The following ZNF644 variants were observed in gnomAD, a reference collection of about 807,000 sequenced individuals.
The protein encoded by ZNF644 is zinc finger protein 644.
In ZNF644, 20 loss-of-function variants were observed where a neutral mutation model predicts 108.0. That is an observed-to-expected ratio of 0.19 (90% CI 0.13 to 0.27). ZNF644 has a LOEUF of 0.27. ZNF644 is among the 10% of genes least tolerant of loss of function. ZNF644 has a pLI of 1.00. For synonymous variants in ZNF644, 542 were observed against 539.1 expected, an observed-to-expected ratio of 1.01 and a Z score of -0.08; for missense variants, 1,338 against 1,548.9, an observed-to-expected ratio of 0.86 and a Z score of 2.29.
At chr1:90,937,373 C>T in intron 4 of ZNF644, 112 bp downstream of exon 4, 1 of 1,422,660 alleles carries the variant, frequency 7.0e-7, no homozygotes, top group Non-Finnish European at 9.7e-7. Context: ...AAAAAAAAAG[C>T]AGCTTAAACA....
rs764261778 is a variant in ZNF644 at position 90,939,542 on chromosome 1, G to A, written c.1812C>T (p.His604=). 1 of 1,613,990 alleles carries A rather than the reference G, an allele frequency of 6.2e-7. No homozygotes were observed. Among genetic ancestry groups the A allele is most frequent in the Non-Finnish European group, 8.5e-7 (1 of 1,179,918 alleles). Residue 604 remains histidine (H), a synonymous_variant, in exon 3 of 6, where the codon CAC becomes CAT. Transcript: ENST00000337393. ...TTSAKSVLKK[H]TEYLHSSSCV... Reference sequence around the variant, plus strand: ...ATGATGATGAATGCAAGTACTCCGTGTGCTTTTTTAAAACACTTTTGGCTG... The same window carrying A: ...ATGATGATGAATGCAAGTACTCCGTATGCTTTTTTAAAACACTTTTGGCTG...
At chr1:90,977,876 T>C (rs1656163637) in intron 2 of ZNF644, among the ~76,000 whole-genome samples, 1 of 152,070 alleles carries the variant, frequency 6.6e-6, no homozygotes. Context: ...TATGGAAAAA[T>C]GTCCAAAATA....
At chr1:91,006,412 AAAAC>A (rs906715019) in intron 1 of ZNF644, among the ~76,000 whole-genome samples, 10 of 152,144 alleles carry the variant, frequency 6.6e-5, no homozygotes, top group African/African-American at 9.7e-5. Context: ...CTGTCTCATA[AAAAC>A]AAACAAACAA....
intron 4 of ZNF644, among the ~76,000 whole-genome samples, chr1:90,934,840 A>C (rs1651145381): frequency 6.6e-6 from 1 of 152,168 alleles, no homozygotes; most frequent in African/African-American, 2.4e-5. Context: ...TTAGTTTCCT[A>C]ATCAAGTCTA....
chr1:91,015,906 T>C (rs984544807), intron 1 of ZNF644, among the ~76,000 whole-genome samples: 1 of 152,218 alleles, frequency 6.6e-6, no homozygotes, highest in African/African-American at 2.4e-5. Flanking sequence ...CTCAGCATTG[T>C]ATGCCAGAAA....
At chr1:91,000,989 A>T (rs530701873) in intron 1 of ZNF644, among the ~76,000 whole-genome samples, 18 of 152,372 alleles carry the variant, frequency 1.2e-4, no homozygotes, top group Admixed American at 7.8e-4. Flanking sequence ...AACCAGGAAG[A>T]AGGTGAATCC....
intron 2 of ZNF644, among the ~76,000 whole-genome samples, chr1:90,948,454 C>A (rs150274297): frequency 1.3e-5 from 2 of 152,272 alleles, no homozygotes; most frequent in African/African-American, 2.4e-5. Context: ...ATTGTTAATG[C>A]GGATGAAACT....
chr1:91,001,083 C>T (rs554282548), intron 1 of ZNF644, among the ~76,000 whole-genome samples: 1 of 152,302 alleles, frequency 6.6e-6, no homozygotes, highest in Non-Finnish European at 1.5e-5. Context: ...CAGATGGGTT[C>T]ACAGCCAAAT....
At chr1:90,998,519 G>C (rs969011767) in intron 1 of ZNF644, among the ~76,000 whole-genome samples, 1 of 152,158 alleles carries the variant, frequency 6.6e-6, no homozygotes, top group African/African-American at 2.4e-5. Context: ...CAAACAGAAA[G>C]GACATCCACG....
chr1:90,950,883 T>G (rs77975548), intron 2 of ZNF644, among the ~76,000 whole-genome samples: 3,033 of 152,272 alleles, frequency 0.02, 82 homozygotes, highest in African/African-American at 0.069. Context: ...GATCTGGATG[T>G]TATATTTGCA....
intron 2 of ZNF644, among the ~76,000 whole-genome samples, chr1:90,961,319 CTTAAT>C (rs780481823): frequency 1.3e-5 from 2 of 152,126 alleles, no homozygotes; most frequent in African/African-American, 4.8e-5. Flanking sequence ...ATCTAATTTA[CTTAAT>C]TTATTAACAG....
chr1:90,964,105 A>G (rs1308969237), intron 2 of ZNF644, among the ~76,000 whole-genome samples: 2 of 152,168 alleles, frequency 1.3e-5, no homozygotes, highest in Non-Finnish European at 2.9e-5. Flanking sequence ...ATCTAATTAA[A>G]TGAAACAAAT....
At chr1:90,953,380 G>A (rs558786933) in intron 2 of ZNF644, among the ~76,000 whole-genome samples, 4 of 151,466 alleles carry the variant, frequency 2.6e-5, no homozygotes, top group Non-Finnish European at 5.9e-5. Context: ...TGGGGCCTAT[G>A]GGGTAGGGGG....
chr1:90,980,287 G>C (rs1305728008), intron 2 of ZNF644, among the ~76,000 whole-genome samples: 1 of 152,130 alleles, frequency 6.6e-6, no homozygotes, highest in East Asian at 1.9e-4. Context: ...CTGACAACTA[G>C]CAAAGAGGTC....
intron 1 of ZNF644, among the ~76,000 whole-genome samples, chr1:90,984,555 TTTTTTA>T (rs1238054750): frequency 5.3e-5 from 8 of 152,072 alleles, no homozygotes; most frequent in Non-Finnish European, 1.2e-4. Context: ...GCCTGGCTAA[TTTTTTA>T]TTTTTATTTT....
At chr1:91,019,000 T>G (rs1380677175) in intron 1 of ZNF644, among the ~76,000 whole-genome samples, 1 of 152,220 alleles carries the variant, frequency 6.6e-6, no homozygotes. Flanking sequence ...CACATAATGT[T>G]GAAAATTATA....
At chr1:90,958,448 G>A (rs946924343) in intron 2 of ZNF644, among the ~76,000 whole-genome samples, 3 of 151,596 alleles carry the variant, frequency 2.0e-5, no homozygotes, top group African/African-American at 2.4e-5. Flanking sequence ...AATTCTAAAG[G>A]CCTTTTTGCA....
chr1:90,990,699 G>GA (rs1352007708), intron 1 of ZNF644, among the ~76,000 whole-genome samples: 1 of 152,174 alleles, frequency 6.6e-6, no homozygotes. Flanking sequence ...ACTCTGTGTG[G>GA]AAACTATCCA....
chr1:90,950,175 G>A (rs539165639), intron 2 of ZNF644, among the ~76,000 whole-genome samples: 301 of 149,524 alleles, frequency 2.0e-3, no homozygotes, highest in African/African-American at 7.0e-3. Context: ...CTACTCAGGA[G>A]GCTGAGGCAG....
Sources: allele counts gnomAD v4.1 joint callset (sites outside exome capture counted in the v4.1 genomes callset), GRCh38; gene constraint gnomAD v4.1.1; transcripts MANE v1.5; gene names NCBI Gene and HGNC (gene_info 2026-07-23, HGNC 2026-07-21).